Variants in CD247 observed in about 807,000 individuals in gnomAD.
The protein encoded by CD247 is CD247 molecule.
Under a neutral mutation model 30.0 loss-of-function variants are expected in CD247, and 13 were observed. The observed-to-expected ratio is 0.43, with a 90% CI of 0.28 to 0.69. The LOEUF (loss-of-function observed/expected upper bound fraction) is 0.69. Ranked by LOEUF, CD247 falls within the 30% of genes least tolerant of loss-of-function variation. CD247 has a pLI of 0.16. For missense variants in CD247, 193 were observed against 212.6 expected (o/e 0.91, Z 0.57); for synonymous variants, 72 against 80.0 (o/e 0.90, Z 0.53).
intron 1 of CD247, among the ~76,000 whole-genome samples, chr1:167,470,522 A>AAAAAAG (rs1485675016): frequency 6.9e-6 from 1 of 144,246 alleles, no homozygotes; most frequent in African/African-American, 2.5e-5. Flanking sequence ...AAAAAAAAAA[A>AAAAAAG]AAAAAGAAAC....
rs977413693 is a variant in CD247 at position 167,444,680 on chromosome 1, C to G, written c.59-3913G>C. Among the ~76,000 whole-genome samples the G allele has an allele frequency of 2.2e-4, 33 of 152,202 alleles. 2 individuals are homozygous for G. The highest frequency in any genetic ancestry group is 4.4e-5 in the Non-Finnish European group (3 of 68,036). On this transcript the variant is annotated intron_variant, in intron 1 of 7. Coordinates refer to ENST00000362089, the MANE Select transcript of CD247 (RefSeq NM_198053.3). Reference sequence around the variant, plus strand: ...GCCATGAATGGATTGAGATTCAGACCTGCATCATTACAGGGGCCACAGCAT... The same window carrying G: ...GCCATGAATGGATTGAGATTCAGACGTGCATCATTACAGGGGCCACAGCAT...
At chr1:167,434,683 T>C in intron 5 of CD247, 1 of 421,692 alleles carries the variant, frequency 2.4e-6, no homozygotes. Context: ...CTTGCCTAGC[T>C]TGACCTTGCT....
chr1:167,517,550 G>C (rs1286784933), intron 1 of CD247, among the ~76,000 whole-genome samples: 1 of 152,206 alleles, frequency 6.6e-6, no homozygotes, highest in African/African-American at 2.4e-5. Context: ...GCAAAGCTGG[G>C]CTCCCACGAT....
At chr1:167,500,364 T>C (rs1209309132) in intron 1 of CD247, among the ~76,000 whole-genome samples, 2 of 152,238 alleles carry the variant, frequency 1.3e-5, no homozygotes, top group Non-Finnish European at 2.9e-5. Flanking sequence ...TTTTCATCTT[T>C]CCTTAACAGG....
intron 1 of CD247, among the ~76,000 whole-genome samples, chr1:167,499,302 G>A (rs1654812850): frequency 6.6e-6 from 1 of 152,178 alleles, no homozygotes; most frequent in Non-Finnish European, 1.5e-5. Flanking sequence ...GAATTATCTG[G>A]CCCCAGGTGT....
intron 1 of CD247, among the ~76,000 whole-genome samples, chr1:167,462,907 C>T (rs571195743): frequency 6.6e-6 from 1 of 152,348 alleles, no homozygotes; most frequent in East Asian, 1.9e-4. Flanking sequence ...CTCCCACCAG[C>T]CTTATTTTTT....
chr1:167,479,904 C>G (rs1172771398), intron 1 of CD247, among the ~76,000 whole-genome samples: 1 of 152,208 alleles, frequency 6.6e-6, no homozygotes, highest in Non-Finnish European at 1.5e-5. Context: ...TGCCTCTCCC[C>G]TTTGGCATGA....
At chr1:167,461,447 CA>C (rs1444067835) in intron 1 of CD247, among the ~76,000 whole-genome samples, 2 of 152,232 alleles carry the variant, frequency 1.3e-5, no homozygotes, top group African/African-American at 4.8e-5. Flanking sequence ...CAACTGTTAG[CA>C]GTGGTTTCAT....
chr1:167,450,923 A>AAAAAGAAAAG (rs1331138951), intron 1 of CD247, among the ~76,000 whole-genome samples: 5 of 151,312 alleles, frequency 3.3e-5, no homozygotes, highest in African/African-American at 9.8e-5. Context: ...AAAAAAAAAA[A>AAAAAGAAAAG]AAAAGAAAAG....
intron 1 of CD247, among the ~76,000 whole-genome samples, chr1:167,475,584 A>G (rs753721209): frequency 3.4e-4 from 52 of 152,324 alleles, no homozygotes; most frequent in Admixed American, 3.3e-4. Context: ...AGCAGGACAC[A>G]TCACAAGCCT....
At chr1:167,438,765 G>A (rs1651671655) in intron 3 of CD247, 115 bp from the exon 4 acceptor site, 1 of 818,090 alleles carries the variant, frequency 1.2e-6, no homozygotes, top group Non-Finnish European at 2.2e-6. Context: ...AAGAGGGGCA[G>A]GGGCTGGGGA....
intron 1 of CD247, among the ~76,000 whole-genome samples, chr1:167,514,592 G>C (rs1400625135): frequency 6.6e-6 from 1 of 151,452 alleles, no homozygotes; most frequent in East Asian, 1.9e-4. Context: ...TTGATTAACA[G>C]GTCTAATGAC....
intron 1 of CD247, among the ~76,000 whole-genome samples, chr1:167,449,014 C>G (rs80019098): frequency 1.3e-5 from 2 of 152,046 alleles, no homozygotes; most frequent in Non-Finnish European, 2.9e-5. Flanking sequence ...ATAAGGGTTC[C>G]AAGGGAAGAG....
At chr1:167,515,146 G>A (rs1055152989) in intron 1 of CD247, among the ~76,000 whole-genome samples, 3 of 152,168 alleles carry the variant, frequency 2.0e-5, no homozygotes, top group Middle Eastern at 3.2e-3. Flanking sequence ...ATTGGAGGGC[G>A]AAACAATCTG....
intron 1 of CD247, among the ~76,000 whole-genome samples, chr1:167,459,143 T>TA (rs1307481097): frequency 1.3e-5 from 2 of 148,724 alleles, no homozygotes; most frequent in African/African-American, 4.9e-5. Context: ...TCAAAAATTT[T>TA]AAAAAAAAAA....
At chr1:167,435,489 G>T in intron 4 of CD247, 55 bp from the exon 5 acceptor site, 1 of 1,438,840 alleles carries the variant, frequency 7.0e-7, no homozygotes, top group Non-Finnish European at 9.8e-7. Context: ...CCCAAGCCAT[G>T]AAAGTACAGC....
intron 1 of CD247, among the ~76,000 whole-genome samples, chr1:167,444,926 G>A (rs1054782522): frequency 6.6e-5 from 10 of 151,360 alleles, no homozygotes; most frequent in Non-Finnish European, 1.5e-4. Flanking sequence ...GGTTAAATAC[G>A]ATACTTTTTT....
intron 2 of CD247, chr1:167,439,692 T>C: frequency 2.1e-6 from 1 of 484,046 alleles, no homozygotes; most frequent in South Asian, 2.2e-5. Flanking sequence ...TGCGCAGAGG[T>C]ATAAGGTTCT....
chr1:167,435,536 G>A, intron 4 of CD247, 102 bp from the exon 5 acceptor site: 3 of 952,382 alleles, frequency 3.1e-6, no homozygotes, highest in South Asian at 2.6e-5. Context: ...GTTTCCTGGG[G>A]CTCTGCCGTC....
Sources: gnomAD v4.1 joint callset for allele counts (sites outside exome capture counted in the v4.1 genomes callset) on GRCh38, gnomAD v4.1.1 for gene constraint, MANE v1.5 for transcripts, NCBI Gene and HGNC (gene_info 2026-07-23, HGNC 2026-07-21) for gene names.